CASD1: variants seen among roughly 807,000 people sequenced by gnomAD.
The protein encoded by CASD1 is N-acetylneuraminate (7)9-O-acetyltransferase.
A neutral mutation model predicts 100.0 loss-of-function variants in CASD1; 41 were observed. The observed-to-expected ratio is 0.41, with a 90% CI of 0.32 to 0.53. The LOEUF (loss-of-function observed/expected upper bound fraction) is 0.53, where lower values mean the gene tolerates loss of function less well. CASD1 is among the 20% of genes least tolerant of loss of function. The pLI is 0.25. For missense variants in CASD1, 774 were observed against 948.7 expected, an observed-to-expected ratio of 0.82 and a Z score of 2.42; for synonymous variants, 321 against 315.6, an observed-to-expected ratio of 1.02 and a Z score of -0.18.
intron 14 of CASD1, among the ~76,000 whole-genome samples, chr7:94,550,034 T>G (rs149676852): frequency 1.3e-5 from 2 of 152,182 alleles, no homozygotes; most frequent in East Asian, 3.9e-4. Flanking sequence ...CTTCGAAGCT[T>G]TCAGAGTCTA....
At chr7:94,534,489 ATAAT>A (rs1207855148) in intron 7 of CASD1, among the ~76,000 whole-genome samples, 1 of 152,256 alleles carries the variant, frequency 6.6e-6, no homozygotes, top group Non-Finnish European at 1.5e-5. Context: ...AAAAATAAAA[ATAAT>A]TAAATAAAAT....
chr7:94,599,698 CTGGTG>C, the CASD1 span: 4 of 1,609,706 alleles, frequency 2.5e-6, no homozygotes, highest in Non-Finnish European at 3.4e-6. Context: ...GACACTTACT[CTGGTG>C]TTTGCATGTT....
intron 5 of CASD1, 120 bp from the exon 6 acceptor site, chr7:94,533,085 A>G (rs1041711689): frequency 3.5e-6 from 2 of 579,262 alleles, no homozygotes; most frequent in African/African-American, 3.8e-5. Flanking sequence ...GGAATTCTAA[A>G]AACTTAGAAT....
the CASD1 span, among the ~76,000 whole-genome samples, chr7:94,580,125 A>G: frequency 1.3e-5 from 2 of 152,240 alleles, no homozygotes; most frequent in Non-Finnish European, 2.9e-5. Context: ...TCAGACTGGT[A>G]TAACCACACC....
the CASD1 span, chr7:94,619,274 C>T: frequency 3.2e-5 from 7 of 221,330 alleles, no homozygotes; most frequent in Admixed American, 3.2e-4. Flanking sequence ...TATTACTGAT[C>T]TTTTGGGGAG....
chr7:94,598,732 T>C, the CASD1 span: 1 of 1,279,500 alleles, frequency 7.8e-7, no homozygotes. Context: ...TTAGTAAAAA[T>C]ATACATGCAT....
chr7:94,519,714 C>G (rs898936915), intron 3 of CASD1, among the ~76,000 whole-genome samples: 2 of 151,836 alleles, frequency 1.3e-5, no homozygotes, highest in African/African-American at 4.8e-5. Context: ...ACTATTTCGC[C>G]CAAGCTGGTC....
At chr7:94,623,582 A>G in the CASD1 span, 15 of 590,716 alleles carry the variant, frequency 2.5e-5, no homozygotes, top group Non-Finnish European at 4.2e-5. Context: ...GGGAAAATAA[A>G]TAATTAGTCA....
chr7:94,512,460 G>C (rs1350737040), intron 1 of CASD1, among the ~76,000 whole-genome samples: 2 of 152,164 alleles, frequency 1.3e-5, no homozygotes, highest in East Asian at 3.8e-4. Context: ...GCTGAGGCAA[G>C]GTAGAGTGAA....
At chr7:94,551,231 G>T in intron 14 of CASD1, 107 bp from the exon 15 acceptor site, 1 of 808,750 alleles carries the variant, frequency 1.2e-6, no homozygotes, top group Non-Finnish European at 1.8e-6. Flanking sequence ...CAAACTTTAA[G>T]CTTTTAACCT....
At chr7:94,573,173 T>C in the CASD1 span, among the ~76,000 whole-genome samples, 1 of 152,260 alleles carries the variant, frequency 6.6e-6, no homozygotes, top group African/African-American at 2.4e-5. Flanking sequence ...CCTCCAGCAC[T>C]GTTCTTGGTG....
intron 12 of CASD1, 43 bp downstream of exon 12, chr7:94,545,744 A>G (rs896779371): frequency 5.9e-6 from 8 of 1,346,372 alleles, no homozygotes; most frequent in Admixed American, 2.3e-5. Flanking sequence ...ATATTTTTTC[A>G]ACGTGTGAAA....
the CASD1 span, among the ~76,000 whole-genome samples, chr7:94,594,199 A>G: frequency 6.6e-6 from 1 of 152,148 alleles, no homozygotes. Context: ...TTTGGTCACA[A>G]ACATAACACC....
In CASD1 at chr7:94,547,184, A is replaced by G. The variant is rs1391179717; in HGVS notation, c.1713+9A>G. 2.6e-6 allele frequency: 4 copies of G among 1,540,864 alleles called. No individual in the cohort carries two copies. The African/African-American group carries it at 5.5e-5, about 21-fold the overall frequency. ...TTTTGGCATATTCTCAGGTTTGTAC[A>G]ATCTTTTCAGTTTATATTTTTTCAT... On this transcript the variant is annotated intron_variant, in intron 13 of 17. Coordinates refer to ENST00000297273, the MANE Select transcript of CASD1 (RefSeq NM_022900.5).
chr7:94,615,409 GATA>G, the CASD1 span, among the ~76,000 whole-genome samples: 5 of 146,204 alleles, frequency 3.4e-5, no homozygotes, highest in Middle Eastern at 0.018. Context: ...TAGATAGATA[GATA>G]GATAGATAGA....
At chr7:94,564,649 A>G in the CASD1 span, among the ~76,000 whole-genome samples, 1 of 152,184 alleles carries the variant, frequency 6.6e-6, no homozygotes, top group Non-Finnish European at 1.5e-5. Context: ...GGATCCATGG[A>G]CATAGTGAAC....
the CASD1 span, chr7:94,598,374 A>G: frequency 5.1e-6 from 1 of 195,838 alleles, no homozygotes; most frequent in Non-Finnish European, 1.0e-5. Context: ...AATTTAGATT[A>G]CAAAGGTCTA....
the CASD1 span, chr7:94,587,835 T>C: frequency 1.3e-6 from 2 of 1,533,020 alleles, no homozygotes; most frequent in Non-Finnish European, 1.8e-6. Flanking sequence ...AAAGCAGTAA[T>C]AGAGAAGATA....
chr7:94,577,184 ATGGACCATGC>A, the CASD1 span, among the ~76,000 whole-genome samples: 10 of 152,110 alleles, frequency 6.6e-5, no homozygotes, highest in African/African-American at 2.2e-4. Flanking sequence ...TTTCCTATGT[ATGGACCATGC>A]TTTCTTGATT....
Sources: allele counts gnomAD v4.1 joint callset (sites outside exome capture counted in the v4.1 genomes callset), GRCh38; gene constraint gnomAD v4.1.1; transcripts MANE v1.5; gene names NCBI Gene and HGNC (gene_info 2026-07-23, HGNC 2026-07-21).